MTFR1: variants seen among roughly 807,000 people sequenced by gnomAD.
The protein encoded by MTFR1 is mitochondrial fission regulator 1.
MTFR1 carries 28 observed loss-of-function variants against 38.8 expected under a neutral mutation model. That is an observed-to-expected ratio of 0.72 (90% confidence interval 0.53 to 0.99). The LOEUF is 0.99. Ranked by LOEUF, MTFR1 falls within the 50% of genes least tolerant of loss-of-function variation. MTFR1 has a pLI of 0.00. For missense variants in MTFR1, 358 were observed against 395.5 expected, an observed-to-expected ratio of 0.91 and a Z score of 0.81; for synonymous variants, 145 against 137.0, an observed-to-expected ratio of 1.06 and a Z score of -0.41.
chr8:65,727,064 T>G, intron 3 of MTFR1: 2 of 997,184 alleles, frequency 2.0e-6, no homozygotes, highest in Non-Finnish European at 3.1e-6. Flanking sequence ...TGGTTAAAAT[T>G]CTAACATTCA....
chr8:65,750,967 TA>T (rs1807923133), intron 3 of MTFR1, among the ~76,000 whole-genome samples: 1 of 152,164 alleles, frequency 6.6e-6, no homozygotes, highest in Non-Finnish European at 1.5e-5. Flanking sequence ...ATTAATCTCA[TA>T]AAGAAACCTA....
intron 5 of MTFR1, 59 bp downstream of exon 5, chr8:65,704,988 A>G: frequency 7.2e-7 from 1 of 1,390,380 alleles, no homozygotes; most frequent in Non-Finnish European, 9.9e-7. Context: ...GGAGAATGCT[A>G]CTTACTTTAA....
In MTFR1 at chr8:65,707,837, T is replaced by C; in HGVS notation, c.765-6T>C. 1 of 1,613,250 alleles carries C rather than the reference T, an allele frequency of 6.2e-7. No homozygotes were observed. The highest frequency in any genetic ancestry group is 2.2e-5 in the East Asian group (1 of 44,874). On this transcript the variant is annotated splice_region_variant and splice_polypyrimidine_tract_variant and intron_variant, in intron 6 of 7. Coordinates refer to ENST00000262146, the MANE Select transcript of MTFR1 (RefSeq NM_014637.4). ...TGTCCCCTTGGTTTGTGTTCACTTCTCTAAGGTCAGAGCAAGATGTGAAGC... is the reference window on the plus strand; with the variant it reads ...TGTCCCCTTGGTTTGTGTTCACTTCCCTAAGGTCAGAGCAAGATGTGAAGC...
intron 2 of MTFR1, among the ~76,000 whole-genome samples, chr8:65,678,944 A>AT (rs1804798709): frequency 6.6e-6 from 1 of 152,038 alleles, no homozygotes; most frequent in Non-Finnish European, 1.5e-5. Flanking sequence ...GGCACCTAGT[A>AT]TTTTTCTGAT....
intron 3 of MTFR1, among the ~76,000 whole-genome samples, chr8:65,687,938 A>G (rs1343226578): frequency 6.6e-6 from 1 of 151,934 alleles, no homozygotes; most frequent in Non-Finnish European, 1.5e-5. Context: ...TGTCTCTATT[A>G]AAAATACAAA....
At chr8:65,733,218 T>G (rs867286226) in intron 3 of MTFR1, among the ~76,000 whole-genome samples, 2 of 152,194 alleles carry the variant, frequency 1.3e-5, no homozygotes. Flanking sequence ...TTTGTCCACA[T>G]GCATCCCCAC....
chr8:65,689,661 C>T, intron 3 of MTFR1: 1 of 1,138,686 alleles, frequency 8.8e-7, no homozygotes, highest in Non-Finnish European at 1.1e-6. Flanking sequence ...ATCGTATTTC[C>T]AAGAATTTCT....
At chr8:65,711,338 G>C (rs1356679633), downstream of MTFR1, among the ~76,000 whole-genome samples, 1 of 152,058 alleles carries the variant, frequency 6.6e-6, no homozygotes, top group Admixed American at 6.6e-5. Flanking sequence ...TGGTGAAGAG[G>C]AATACACGTG....
chr8:65,644,256 T>C (rs575807866), upstream of MTFR1, among the ~76,000 whole-genome samples: 8 of 152,224 alleles, frequency 5.3e-5, no homozygotes, highest in East Asian at 1.4e-3. Context: ...ATGAGGCACT[T>C]TGTAATCCCC....
chr8:65,761,687 T>C (rs1054569743), intron 3 of MTFR1, among the ~76,000 whole-genome samples: 1 of 152,250 alleles, frequency 6.6e-6, no homozygotes, highest in African/African-American at 2.4e-5. Flanking sequence ...ATGAACACTG[T>C]GACTTAGTGA....
At chr8:65,724,963 A>G in intron 3 of MTFR1, 2 of 1,350,182 alleles carry the variant, frequency 1.5e-6, no homozygotes, top group Non-Finnish European at 1.0e-6. Context: ...AAGACTTTCA[A>G]TTAACTATTT....
chr8:65,739,205 CTA>C (rs1226281718), intron 3 of MTFR1, among the ~76,000 whole-genome samples: 3 of 152,320 alleles, frequency 2.0e-5, no homozygotes, highest in East Asian at 3.9e-4. Flanking sequence ...TAACAGAAGA[CTA>C]TGTAGAGCCG....
chr8:65,733,659 T>C (rs1188413239), intron 3 of MTFR1, among the ~76,000 whole-genome samples: 1 of 152,174 alleles, frequency 6.6e-6, no homozygotes, highest in South Asian at 2.1e-4. Flanking sequence ...GAGTATACAT[T>C]TGTCAAAACC....
Position 65,735,087 on chromosome 8 carries a change from T to C in MTFR1, c.*48+15606T>C, listed in dbSNP as rs571106937. Among the ~76,000 whole-genome samples, 3 of 152,326 alleles carry C rather than the reference T, an allele frequency of 2.0e-5. No homozygotes were observed. The South Asian group carries it at 6.2e-4, about 32-fold the overall frequency. ...AAGAATCAATATCAATTTGACTCTC[T>C]ATGCTATCATGGACGAACAGACTAG... On this transcript the variant is annotated intron_variant, in intron 3 of 3. Transcript: ENST00000521247.
chr8:65,770,459 C>T (rs772544833), intron 3 of MTFR1, among the ~76,000 whole-genome samples: 4 of 152,098 alleles, frequency 2.6e-5, no homozygotes, highest in South Asian at 4.1e-4. Context: ...TTCACTACCA[C>T]GAGAACAGTA....
At chr8:65,720,875 G>A (rs929216919) in intron 3 of MTFR1, among the ~76,000 whole-genome samples, 2 of 152,124 alleles carry the variant, frequency 1.3e-5, no homozygotes, top group African/African-American at 4.8e-5. Flanking sequence ...TCTTTCCTAC[G>A]TGCCATAAAG....
downstream of MTFR1, among the ~76,000 whole-genome samples, chr8:65,712,768 G>C (rs1398731317): frequency 1.3e-5 from 2 of 152,166 alleles, no homozygotes; most frequent in Non-Finnish European, 2.9e-5. Flanking sequence ...AATAACTGTT[G>C]TTTATAAGTC....
At chr8:65,741,546 T>C (rs1342554529) in intron 3 of MTFR1, among the ~76,000 whole-genome samples, 2 of 152,238 alleles carry the variant, frequency 1.3e-5, no homozygotes, top group South Asian at 2.1e-4. Context: ...TTTTAAAAAC[T>C]ACCTGACGTA....
chr8:65,718,911 T>C (rs1806256880), intron 2 of MTFR1: 4 of 253,614 alleles, frequency 1.6e-5, no homozygotes, highest in East Asian at 8.7e-5. Context: ...AAGATACACA[T>C]TGTTGCATCA....
Sources: allele counts gnomAD v4.1 joint callset (sites outside exome capture counted in the v4.1 genomes callset), GRCh38; gene constraint gnomAD v4.1.1; transcripts MANE v1.5; gene names NCBI Gene and HGNC (gene_info 2026-07-23, HGNC 2026-07-21).